Variants in TENM4 observed in about 807,000 individuals in gnomAD.
The protein encoded by TENM4 is teneurin-4.
In TENM4, 82 loss-of-function variants were observed where a neutral mutation model predicts 243.3. The ratio of observed to expected loss-of-function variants is 0.34; its 90% CI spans 0.28 to 0.40. The LOEUF is 0.40. Ranked by LOEUF, TENM4 falls within the 10% of genes least tolerant of loss-of-function variation. TENM4 has a pLI of 1.00. For missense variants in TENM4, 3,138 were observed against 3,673.3 expected (o/e 0.85, Z 3.77); for synonymous variants, 1,412 against 1,456.3 (o/e 0.97, Z 0.69).
At chr11:79,303,860 T>A (rs1449276338) in intron 1 of TENM4, among the ~76,000 whole-genome samples, 1 of 152,064 alleles carries the variant, frequency 6.6e-6, no homozygotes, top group Non-Finnish European at 1.5e-5. Flanking sequence ...TGGGATGGGG[T>A]TTGGGCTGGT....
intron 1 of TENM4, among the ~76,000 whole-genome samples, chr11:79,395,340 A>G (rs4515997): frequency 0.12 from 17,995 of 152,230 alleles, 1,170 homozygotes; most frequent in African/African-American, 0.17. Flanking sequence ...AGTGCCTACT[A>G]TATTCCAGGG....
chr11:78,756,037 G>T (rs1203661044), intron 19 of TENM4, among the ~76,000 whole-genome samples: 2 of 151,998 alleles, frequency 1.3e-5, no homozygotes, highest in Non-Finnish European at 2.9e-5. Flanking sequence ...GAGCTATTTT[G>T]TGTCTCTGGG....
chr11:78,697,549 A>G (rs1858999053), intron 28 of TENM4, among the ~76,000 whole-genome samples: 3 of 152,172 alleles, frequency 2.0e-5, no homozygotes, highest in Admixed American at 2.0e-4. Flanking sequence ...TGGTGCTCAG[A>G]CGTGAATCTA....
intron 3 of TENM4, among the ~76,000 whole-genome samples, chr11:79,181,673 T>C (rs1251998467): frequency 6.6e-6 from 1 of 151,494 alleles, no homozygotes; most frequent in Non-Finnish European, 1.5e-5. Context: ...AATAATATAA[T>C]TGCCTATGTA....
chr11:79,130,476 GA>G (rs55946704), intron 4 of TENM4, among the ~76,000 whole-genome samples: 1 of 149,750 alleles, frequency 6.7e-6, no homozygotes, highest in Admixed American at 6.6e-5. Flanking sequence ...CAATGCAAAG[GA>G]AAAAAAAAAT....
chr11:79,076,334 T>A (rs959893084), intron 4 of TENM4: 3 of 152,406 alleles, frequency 2.0e-5, no homozygotes, highest in African/African-American at 4.8e-5. Context: ...TACCTGAGAC[T>A]GGGTACTTTA....
At position 78,906,050 on chromosome 11, in the gene TENM4, A is replaced by G. The variant is rs116819939; in HGVS notation, c.494-2527T>C. ...GCAGTGGCTGAACCACTACTGTCCA[A>G]TGGTTATCAAGAGGCCAGCAGAGAA... On this transcript the variant is annotated intron_variant, in intron 6 of 33. Coordinates refer to ENST00000278550, the MANE Select transcript of TENM4 (RefSeq NM_001098816.3). Among the ~76,000 whole-genome samples the G allele has an allele frequency of 2.4e-3, 366 of 152,336 alleles. 3 individuals are homozygous for G. The highest frequency in any genetic ancestry group is 8.4e-3 in the African/African-American group (350 of 41,580).
chr11:79,382,227 A>T (rs964639892), intron 1 of TENM4, among the ~76,000 whole-genome samples: 1 of 152,152 alleles, frequency 6.6e-6, no homozygotes, highest in Non-Finnish European at 1.5e-5. Context: ...CACCTGAGCC[A>T]AATCAACTGA....
chr11:78,924,350 C>T (rs1459195653), intron 6 of TENM4: 1 of 152,216 alleles, frequency 6.6e-6, no homozygotes, highest in African/African-American at 2.4e-5. Flanking sequence ...AGCCCTGAGG[C>T]CCACCCTACC....
chr11:79,078,802 G>A (rs976104251), intron 4 of TENM4, among the ~76,000 whole-genome samples: 6 of 152,074 alleles, frequency 3.9e-5, no homozygotes, highest in Non-Finnish European at 5.9e-5. Flanking sequence ...CCATTTTATC[G>A]ACAAAGAAAC....
At chr11:79,145,658 G>A (rs2135043292) in intron 4 of TENM4, among the ~76,000 whole-genome samples, 1 of 152,144 alleles carries the variant, frequency 6.6e-6, no homozygotes, top group East Asian at 1.9e-4. Flanking sequence ...ATATTCCAAG[G>A]AGTGAAAGTG....
At chr11:79,268,556 T>G (rs757407279) in intron 2 of TENM4, among the ~76,000 whole-genome samples, 9 of 152,176 alleles carry the variant, frequency 5.9e-5, no homozygotes, top group Non-Finnish European at 1.0e-4. Flanking sequence ...AAAATTGTAT[T>G]TGTGAATTTT....
intron 6 of TENM4, among the ~76,000 whole-genome samples, chr11:78,931,095 C>G (rs553352638): frequency 4.0e-4 from 61 of 152,280 alleles, no homozygotes; most frequent in African/African-American, 1.5e-3. Context: ...GGCCTGTTAA[C>G]TCTCCCTTTT....
At chr11:79,071,061 T>C (rs143925188) in intron 4 of TENM4, among the ~76,000 whole-genome samples, 220 of 152,206 alleles carry the variant, frequency 1.4e-3, no homozygotes, top group African/African-American at 5.1e-3. Context: ...CTTTTCCCCA[T>C]CTTGACCCTT....
intron 6 of TENM4, among the ~76,000 whole-genome samples, chr11:79,022,057 T>G (rs983630720): frequency 2.6e-5 from 4 of 152,112 alleles, no homozygotes; most frequent in Admixed American, 6.5e-5. Flanking sequence ...CCCATAGTCA[T>G]GGAGAGATGG....
At chr11:79,421,179 A>G (rs934608522) in intron 1 of TENM4, among the ~76,000 whole-genome samples, 2 of 152,178 alleles carry the variant, frequency 1.3e-5, no homozygotes, top group Non-Finnish European at 2.9e-5. Flanking sequence ...GCTTTAAATC[A>G]AATTATTTCA....
chr11:78,915,517 A>G (rs1042999828), intron 6 of TENM4, among the ~76,000 whole-genome samples: 2 of 151,928 alleles, frequency 1.3e-5, no homozygotes, highest in Admixed American at 1.3e-4. Flanking sequence ...TGATTTGGGC[A>G]CTCTGTGCAT....
At chr11:79,324,227 G>T (rs905405778) in intron 1 of TENM4, among the ~76,000 whole-genome samples, 1 of 150,772 alleles carries the variant, frequency 6.6e-6, no homozygotes, top group African/African-American at 2.4e-5. Flanking sequence ...AAAATTTATT[G>T]TTATTGTTTT....
At chr11:78,940,409 T>C (rs1961578) in intron 6 of TENM4, among the ~76,000 whole-genome samples, 15,304 of 152,224 alleles carry the variant, frequency 0.1, 1,730 homozygotes, top group African/African-American at 0.28. Flanking sequence ...AAGTCCCACA[T>C]TAAACAGAGG....
Sources: gnomAD v4.1 joint callset for allele counts (sites outside exome capture counted in the v4.1 genomes callset) on GRCh38, gnomAD v4.1.1 for gene constraint, MANE v1.5 for transcripts, NCBI Gene and HGNC (gene_info 2026-07-23, HGNC 2026-07-21) for gene names.